The following RAD51B variants were observed in gnomAD, a reference collection of about 807,000 sequenced individuals.
RAD51B encodes DNA repair protein RAD51 homolog 2.
RAD51B carries 38 observed loss-of-function variants against 42.2 expected under a neutral mutation model. The observed-to-expected ratio is 0.90, with a 90% CI of 0.70 to 1.18. The LOEUF (loss-of-function observed/expected upper bound fraction) is 1.18. Among genes scored for constraint, RAD51B ranks in the 50% most tolerant of loss-of-function variants. The probability of loss-of-function intolerance (pLI) is 0.00; values close to 1 mark genes in which losing one functional copy is unlikely to be tolerated. For synonymous variants in RAD51B, 154 were observed against 145.2 expected (o/e 1.06, Z -0.43); for missense variants, 373 against 400.7 (o/e 0.93, Z 0.59).
At chr14:67,935,705 C>T (rs1431508176) in intron 7 of RAD51B, among the ~76,000 whole-genome samples, 1 of 152,154 alleles carries the variant, frequency 6.6e-6, no homozygotes, top group East Asian at 1.9e-4. Flanking sequence ...GTTGCGTTGT[C>T]TTAGATAAGT....
chr14:67,846,409 C>T (rs778795556), intron 4 of RAD51B, among the ~76,000 whole-genome samples: 36 of 152,276 alleles, frequency 2.4e-4, no homozygotes, highest in Non-Finnish European at 1.8e-4. Flanking sequence ...TAGTGGGATG[C>T]ATATGCACAT....
rs535902602 is a variant in RAD51B, at chr14:67,950,236, T to C, written c.756+63032T>C. 2.0e-5 allele frequency among the ~76,000 whole-genome samples: 3 copies of C among 152,310 alleles called. No individual in the cohort carries two copies. In the South Asian group the frequency reaches 6.2e-4, roughly 32 times the overall value. The stretch of plus-strand genomic sequence containing the variant: ...TCCCCCCACCTAGTGTGAGGCTGTT[T>C]TATCTGTATGGAAAATCTGTCGTTC... On this transcript the variant is annotated intron_variant, in intron 7 of 10. Coordinates refer to ENST00000471583, the MANE Select transcript of RAD51B (RefSeq NM_133510.4).
chr14:68,332,160 G>A (rs2082363452), intron 8 of RAD51B, among the ~76,000 whole-genome samples: 1 of 152,172 alleles, frequency 6.6e-6, no homozygotes, highest in Admixed American at 6.5e-5. Context: ...CTTGTTGAAA[G>A]ATTCAGGATA....
intron 7 of RAD51B, among the ~76,000 whole-genome samples, chr14:68,127,604 A>AACACACACACACACACAC (rs1158570155): frequency 7.5e-6 from 1 of 133,532 alleles, no homozygotes; most frequent in Non-Finnish European, 1.6e-5. Flanking sequence ...TGTACATTGT[A>AACACACACACACACACAC]ACACACACAC....
At chr14:68,368,713 G>A (rs991632011) in intron 8 of RAD51B, among the ~76,000 whole-genome samples, 3 of 152,158 alleles carry the variant, frequency 2.0e-5, no homozygotes, top group Non-Finnish European at 4.4e-5. Context: ...CTTAAAGTGG[G>A]GAATGAGAGA....
intron 7 of RAD51B, among the ~76,000 whole-genome samples, chr14:68,199,463 T>C (rs1389903159): frequency 2.0e-5 from 3 of 152,190 alleles, no homozygotes; most frequent in Non-Finnish European, 4.4e-5. Context: ...TGTAATAGAG[T>C]TTACATTTAT....
At chr14:68,504,001 C>G (rs1274844065) in intron 10 of RAD51B, among the ~76,000 whole-genome samples, 1 of 152,172 alleles carries the variant, frequency 6.6e-6, no homozygotes, top group Non-Finnish European at 1.5e-5. Context: ...TGTTGTCTTT[C>G]ATCAAGAAGC....
intron 4 of RAD51B, among the ~76,000 whole-genome samples, chr14:67,839,495 T>A (rs369991487): frequency 1.3e-5 from 2 of 152,228 alleles, no homozygotes; most frequent in African/African-American, 4.8e-5. Flanking sequence ...AGCTCTTAAA[T>A]CTGGTTTTAC....
chr14:68,145,097 A>G (rs557621843), intron 7 of RAD51B, among the ~76,000 whole-genome samples: 4 of 152,330 alleles, frequency 2.6e-5, no homozygotes, highest in African/African-American at 9.6e-5. Context: ...ATTAAATATT[A>G]ACTATCCAAA....
chr14:68,329,377 C>T (rs1185512440), intron 8 of RAD51B, among the ~76,000 whole-genome samples: 2 of 152,214 alleles, frequency 1.3e-5, no homozygotes, highest in Non-Finnish European at 2.9e-5. Flanking sequence ...ACCAGCACAT[C>T]TGAGAATTCA....
Position 68,068,171 on chromosome 14 carries a change from G to GT in RAD51B, c.756+180973dup, listed in dbSNP as rs201787548. On this transcript the variant is annotated intron_variant, in intron 7 of 10. Coordinates refer to ENST00000471583, the MANE Select transcript of RAD51B (RefSeq NM_133510.4). Reference sequence around the variant, plus strand: ...AATACTTTCAATGTACAATTTAGTGGTTTTTTAGTATATTTAAAGAGTTGT... The same window carrying GT: ...AATACTTTCAATGTACAATTTAGTGGTTTTTTTAGTATATTTAAAGAGTTGT... 3.3e-3 allele frequency among the ~76,000 whole-genome samples: 509 copies of GT among 152,136 alleles called. 2 individuals carry two copies. Among genetic ancestry groups the GT allele is most frequent in the African/African-American group, 9.7e-3 (403 of 41,508 alleles).
exon 11 of RAD51B, chr14:68,611,225 C>T (rs959011985): frequency 1.4e-6 from 1 of 702,964 alleles, no homozygotes. Flanking sequence ...AGAACAGAGA[C>T]TTTGGATGAG....
intron 10 of RAD51B, among the ~76,000 whole-genome samples, chr14:68,524,099 C>T (rs758915995): frequency 2.0e-5 from 3 of 152,106 alleles, no homozygotes; most frequent in Admixed American, 6.6e-5. Flanking sequence ...TCACTCCTTA[C>T]GTCATCCCTC....
intron 7 of RAD51B, among the ~76,000 whole-genome samples, chr14:67,942,275 C>G (rs2045235882): frequency 6.6e-6 from 1 of 152,088 alleles, no homozygotes; most frequent in Non-Finnish European, 1.5e-5. Flanking sequence ...TCTGAACTTT[C>G]CTTTTGAGAT....
At chr14:68,374,069 G>T (rs1306326279) in intron 8 of RAD51B, among the ~76,000 whole-genome samples, 1 of 152,138 alleles carries the variant, frequency 6.6e-6, no homozygotes, top group Non-Finnish European at 1.5e-5. Context: ...TCATTTTAAA[G>T]ATGAGGAAAT....
At chr14:68,551,879 G>T (rs1358266503) in intron 10 of RAD51B, among the ~76,000 whole-genome samples, 1 of 152,186 alleles carries the variant, frequency 6.6e-6, no homozygotes, top group Non-Finnish European at 1.5e-5. Context: ...TGACAGAGCT[G>T]CGATTTGAAC....
chr14:68,449,826 G>A (rs2085511033), intron 9 of RAD51B, among the ~76,000 whole-genome samples: 1 of 152,150 alleles, frequency 6.6e-6, no homozygotes, highest in African/African-American at 2.4e-5. Flanking sequence ...GGAATCCACA[G>A]TGTCATTAGG....
At chr14:68,277,089 C>CGA (rs2081240004) in intron 7 of RAD51B, among the ~76,000 whole-genome samples, 2 of 152,176 alleles carry the variant, frequency 1.3e-5, no homozygotes, top group African/African-American at 4.8e-5. Flanking sequence ...TCTGAACCTC[C>CGA]TTAGTCCCAG....
intron 8 of RAD51B, among the ~76,000 whole-genome samples, chr14:68,293,610 TA>T (rs1476234562): frequency 1.3e-5 from 2 of 152,160 alleles, no homozygotes; most frequent in Non-Finnish European, 2.9e-5. Flanking sequence ...ACAGCTCACC[TA>T]GAACAGTGCT....
Sources: gnomAD v4.1 joint callset for allele counts (sites outside exome capture counted in the v4.1 genomes callset) on GRCh38, gnomAD v4.1.1 for gene constraint, MANE v1.5 for transcripts, NCBI Gene and HGNC (gene_info 2026-07-23, HGNC 2026-07-21) for gene names.